The following SNX27 variants were observed in gnomAD, a reference collection of about 807,000 sequenced individuals.
The protein encoded by SNX27 is sorting nexin-27.
Under a neutral mutation model 71.6 loss-of-function variants are expected in SNX27, and 22 were observed. The observed-to-expected ratio is 0.31, with a 90% CI of 0.22 to 0.44. The LOEUF is 0.44. Among genes scored for constraint, SNX27 ranks in the 20% least tolerant of loss-of-function variants. The probability of loss-of-function intolerance (pLI) is 1.00; values close to 1 mark genes in which losing one functional copy is unlikely to be tolerated. For synonymous variants in SNX27, 269 were observed against 277.2 expected (o/e 0.97, Z 0.29); for missense variants, 531 against 698.6 (o/e 0.76, Z 2.70).
rs1461159596 is a variant in SNX27, at chr1:151,639,093, G to A, written c.517G>A (p.Val173Met). ...VPISVPRYKHVEQNGEKFVVY... is the reference protein window; with the variant it reads ...VPISVPRYKHMEQNGEKFVVY... Reference sequence around the variant, plus strand: ...CATATCGGTCCCCAGATACAAACATGTGGAGCAGAATGGTGAGAAGTTTGT... The same window carrying A: ...CATATCGGTCCCCAGATACAAACATATGGAGCAGAATGGTGAGAAGTTTGT... The change falls in exon 2 of 12, where the codon GTG (valine) becomes ATG (methionine). Residue 173 changes from valine (V) to methionine (M), a missense_variant. Transcript: ENST00000458013. 1 of 1,614,082 alleles carries A rather than the reference G, an allele frequency of 6.2e-7. No homozygotes were observed. Among genetic ancestry groups the A allele is most frequent in the South Asian group, 1.1e-5 (1 of 91,076 alleles).
Position 151,668,566 on chromosome 1 carries a change from G to C in SNX27, c.1080G>C (p.Trp360Cys). Residue 360 changes from tryptophan to cysteine, a missense_variant, in exon 7 of 12, where the codon TGG becomes TGC. By Grantham distance (215) the Trp-to-Cys change is radical (BLOSUM62 -2). Transcript: ENST00000458013. ...GCACCTGCTTGACCATTCGAAAGTG[G>C]CTTTTTACAACAGAAGAAGAAATTC... ...VPGTCLTIRK[W>C]LFTTEEEILL... The C allele has an allele frequency of 6.2e-7, 1 of 1,613,846 alleles. No homozygotes were observed. The highest frequency in any genetic ancestry group is 8.5e-7 in the Non-Finnish European group (1 of 1,179,888).
intron 2 of SNX27, among the ~76,000 whole-genome samples, chr1:151,654,420 C>G (rs1261042111): frequency 6.6e-6 from 1 of 151,948 alleles, no homozygotes; most frequent in Non-Finnish European, 1.5e-5. Flanking sequence ...TCCTGTCCCT[C>G]CCTCAGCTAT....
chr1:151,638,102 T>C (rs1333394828), intron 1 of SNX27, among the ~76,000 whole-genome samples: 1 of 152,226 alleles, frequency 6.6e-6, no homozygotes, highest in Non-Finnish European at 1.5e-5. Flanking sequence ...TTGTTTGCCT[T>C]ATTTCAGCCT....
At chr1:151,657,086 G>A (rs1015824340) in intron 2 of SNX27, among the ~76,000 whole-genome samples, 1 of 152,192 alleles carries the variant, frequency 6.6e-6, no homozygotes, top group Admixed American at 6.5e-5. Context: ...ATGGTGTAAA[G>A]TAAATTATTT....
chr1:151,636,820 G>C (rs1443794761), intron 1 of SNX27, among the ~76,000 whole-genome samples: 1 of 151,834 alleles, frequency 6.6e-6, no homozygotes, highest in Non-Finnish European at 1.5e-5. Flanking sequence ...CAAATACTTA[G>C]ATAAAATCTT....
intron 2 of SNX27, among the ~76,000 whole-genome samples, chr1:151,641,632 A>T (rs1390967377): frequency 1.6e-5 from 1 of 62,026 alleles, no homozygotes; most frequent in Non-Finnish European, 3.8e-5. Context: ...TATATATATC[A>T]TATGTATCAT....
At chr1:151,690,109 A>G (rs1443581555) in intron 8 of SNX27, among the ~76,000 whole-genome samples, 1 of 152,242 alleles carries the variant, frequency 6.6e-6, no homozygotes, top group Non-Finnish European at 1.5e-5. Flanking sequence ...TTGGCCTCCC[A>G]AAGTGCTGGG....
intron 7 of SNX27, among the ~76,000 whole-genome samples, chr1:151,681,088 A>G (rs1670923038): frequency 6.6e-6 from 1 of 152,072 alleles, no homozygotes; most frequent in East Asian, 1.9e-4. Context: ...AGCTACTGAT[A>G]TATACTTTAC....
intron 2 of SNX27, among the ~76,000 whole-genome samples, chr1:151,644,077 C>T (rs1054932052): frequency 1.3e-5 from 2 of 152,192 alleles, no homozygotes; most frequent in Non-Finnish European, 2.9e-5. Flanking sequence ...AATAAAAGTA[C>T]AATTAGTAAT....
intron 1 of SNX27, among the ~76,000 whole-genome samples, chr1:151,625,357 T>C (rs1667876986): frequency 6.6e-6 from 1 of 151,666 alleles, no homozygotes. Context: ...AATACAAAAA[T>C]TAGTCAGGTG....
chr1:151,648,299 C>T (rs1193993413), intron 2 of SNX27, among the ~76,000 whole-genome samples: 1 of 152,194 alleles, frequency 6.6e-6, no homozygotes, highest in East Asian at 1.9e-4. Flanking sequence ...AAGTGATCCG[C>T]CAGCCTTGGC....
At chr1:151,662,102 C>A in intron 4 of SNX27, 64 bp from the exon 5 acceptor site, 2 of 1,131,406 alleles carry the variant, frequency 1.8e-6, no homozygotes, top group Non-Finnish European at 2.6e-6. Flanking sequence ...GTCTAGCTAG[C>A]TTGTTACAGG....
chr1:151,667,608 G>A (rs1451134163), intron 6 of SNX27, among the ~76,000 whole-genome samples: 2 of 151,794 alleles, frequency 1.3e-5, no homozygotes, highest in African/African-American at 2.4e-5. Context: ...GGCGGATCAC[G>A]AGGTCAGGAG....
chr1:151,658,042 G>A (rs1669781547), intron 2 of SNX27, among the ~76,000 whole-genome samples, 193 bp from the exon 3 acceptor site: 1 of 152,002 alleles, frequency 6.6e-6, no homozygotes, highest in Non-Finnish European at 1.5e-5. Flanking sequence ...TGCTCCTTTG[G>A]TAGTCCTTTT....
chr1:151,656,885 A>C (rs1216989362), intron 2 of SNX27, among the ~76,000 whole-genome samples: 1 of 152,228 alleles, frequency 6.6e-6, no homozygotes, highest in East Asian at 1.9e-4. Context: ...ATTCATCTTG[A>C]TACTCTATTT....
At chr1:151,641,596 C>CATATATATATATATATATAT (rs1553257776) in intron 2 of SNX27, among the ~76,000 whole-genome samples, 1 of 14,194 alleles carries the variant, frequency 7.0e-5, no homozygotes, top group Non-Finnish European at 1.4e-4. Flanking sequence ...AGTCCTTTAT[C>CATATATATATATATATATAT]AGATATATAT....
chr1:151,694,166 C>A, intron 11 of SNX27: 3 of 1,323,664 alleles, frequency 2.3e-6, no homozygotes, highest in East Asian at 2.9e-5. Context: ...TTCTGTGAAA[C>A]AGGAAGACTG....
Position 151,693,502 on chromosome 1 carries a change from T to C in SNX27, c.1578+19T>C. 1 of 1,613,996 alleles carries C rather than the reference T, an allele frequency of 6.2e-7. No homozygotes were observed. On this transcript the variant is annotated intron_variant, in intron 11 of 11. Transcript: ENST00000458013. Reference sequence around the variant, plus strand: ...AAAAGAGGTAATTCTGAACAGTCCTTGAATTGACCTTTTCATCTTTTTGTT... The same window carrying C: ...AAAAGAGGTAATTCTGAACAGTCCTCGAATTGACCTTTTCATCTTTTTGTT...
intron 1 of SNX27, among the ~76,000 whole-genome samples, chr1:151,633,374 C>G (rs888015093): frequency 6.6e-6 from 1 of 152,142 alleles, no homozygotes; most frequent in African/African-American, 2.4e-5. Flanking sequence ...TCTTGGCTCA[C>G]TACAGCCTTG....
Sources: allele counts gnomAD v4.1 joint callset (sites outside exome capture counted in the v4.1 genomes callset), GRCh38; gene constraint gnomAD v4.1.1; transcripts MANE v1.5; gene names NCBI Gene and HGNC (gene_info 2026-07-23, HGNC 2026-07-21).